Variants in CACNB4 observed in about 807,000 individuals in gnomAD.
CACNB4 encodes calcium voltage-gated channel auxiliary subunit beta 4, also known as voltage-dependent L-type calcium channel subunit beta-4.
Under a neutral mutation model 71.2 loss-of-function variants are expected in CACNB4, and 32 were observed. That is an observed-to-expected ratio of 0.45 (90% CI 0.34 to 0.60). CACNB4 has a LOEUF of 0.60. CACNB4 is among the 20% of genes least tolerant of loss of function. The pLI, the probability that CACNB4 is intolerant of heterozygous loss-of-function variation, is 0.01. For synonymous variants in CACNB4, 231 were observed against 236.9 expected, an observed-to-expected ratio of 0.97 and a Z score of 0.23; for missense variants, 464 against 647.9, an observed-to-expected ratio of 0.72 and a Z score of 3.08.
chr2:151,865,056 G>C (rs569852130), intron 9 of CACNB4, among the ~76,000 whole-genome samples: 21 of 152,310 alleles, frequency 1.4e-4, no homozygotes, highest in African/African-American at 3.6e-4. Context: ...ACTGGTGTTT[G>C]AGTGGCTGTT....
intron 2 of CACNB4, among the ~76,000 whole-genome samples, chr2:152,006,081 C>A (rs896108575): frequency 6.6e-6 from 1 of 152,212 alleles, no homozygotes. Flanking sequence ...ATTGACACAG[C>A]CAGGAAGATA....
At chr2:151,927,628 C>T (rs1179309852) in intron 2 of CACNB4, among the ~76,000 whole-genome samples, 2 of 152,198 alleles carry the variant, frequency 1.3e-5, no homozygotes, top group African/African-American at 2.4e-5. Flanking sequence ...AACTGGTGAA[C>T]AGCACTGAAA....
chr2:151,942,719 G>A (rs541656053), intron 2 of CACNB4, among the ~76,000 whole-genome samples: 5 of 152,190 alleles, frequency 3.3e-5, no homozygotes, highest in Admixed American at 1.3e-4. Context: ...ATAAACGGCC[G>A]CTCTAGGAAT....
intron 2 of CACNB4, among the ~76,000 whole-genome samples, chr2:151,982,263 T>C (rs933392028): frequency 6.6e-6 from 1 of 152,108 alleles, no homozygotes; most frequent in Non-Finnish European, 1.5e-5. Context: ...CCCTTGCAAC[T>C]AGATGTGACT....
rs35400714 is a variant in CACNB4, at chr2:152,076,136, C to CTTTT, written c.147+22190_147+22193dup. ...AGGACATGTGATTACCACCTCTTTT[C>CTTTT]TTTTTTTTTTTTTTTTTTTTTTTTG... On this transcript the variant is annotated intron_variant, in intron 2 of 13. Coordinates refer to ENST00000539935, the MANE Select transcript of CACNB4 (RefSeq NM_000726.5). Among the ~76,000 whole-genome samples the CTTTT allele has an allele frequency of 2.5e-3, 180 of 71,210 alleles. 2 individuals carry two copies. Among genetic ancestry groups the CTTTT allele is most frequent in the African/African-American group, 3.2e-3 (58 of 18,070 alleles). The allele number at this position is 71,210 out of a possible 152,430, so 46.7% of individuals were successfully genotyped here.
intron 2 of CACNB4, among the ~76,000 whole-genome samples, chr2:151,944,335 C>T (rs1318601359): frequency 6.6e-6 from 1 of 152,232 alleles, no homozygotes; most frequent in Admixed American, 6.5e-5. Flanking sequence ...CCACCACGTC[C>T]GGCCTGGGAT....
intron 2 of CACNB4, among the ~76,000 whole-genome samples, chr2:151,894,802 T>C (rs2099851593): frequency 6.6e-6 from 1 of 152,148 alleles, no homozygotes; most frequent in Middle Eastern, 3.4e-3. Flanking sequence ...AGCAATCCCA[T>C]TTATAATAGT....
At chr2:151,996,827 A>T (rs1183573065) in intron 2 of CACNB4, among the ~76,000 whole-genome samples, 1 of 152,194 alleles carries the variant, frequency 6.6e-6, no homozygotes, top group East Asian at 1.9e-4. Context: ...AAAGAAAAGG[A>T]GGCAGAGATG....
In CACNB4 at chr2:151,855,219, A is replaced by C; in HGVS notation, c.1020+5T>G. On this transcript the variant is annotated splice_donor_5th_base_variant and intron_variant, in intron 11 of 13. Transcript: ENST00000539935. ...TAAACCTTAAGGCAGAAAGGAGCTA[A>C]TTACCTTTGGAGATGAGACTTTTAC... The C allele has an allele frequency of 6.5e-7, 1 of 1,528,650 alleles. No individual in the cohort carries two copies. The highest frequency in any genetic ancestry group is 1.8e-4 in the Middle Eastern group (1 of 5,712). The allele number at this position is 1,528,650 out of a possible 1,614,324, so 94.7% of individuals were successfully genotyped here. A position where few individuals can be genotyped will look rare whatever the true frequency, so the allele number is the denominator to read the frequency against.
At chr2:151,929,021 C>T (rs2099860976) in intron 2 of CACNB4, among the ~76,000 whole-genome samples, 1 of 152,060 alleles carries the variant, frequency 6.6e-6, no homozygotes, top group Non-Finnish European at 1.5e-5. Flanking sequence ...TGGCTTTGGT[C>T]TCTAACTCGT....
chr2:151,971,588 G>C (rs1369980111), intron 2 of CACNB4: 6 of 702,876 alleles, frequency 8.5e-6, no homozygotes, highest in African/African-American at 1.7e-5. Flanking sequence ...TGAGGAGGTG[G>C]CACTCCAGGT....
At chr2:151,891,189 T>C (rs754411212) in intron 2 of CACNB4, among the ~76,000 whole-genome samples, 2 of 152,186 alleles carry the variant, frequency 1.3e-5, no homozygotes, top group Non-Finnish European at 2.9e-5. Context: ...TAGTTTTTGC[T>C]ATAATTGCCC....
chr2:151,957,908 T>C (rs1200671533), intron 2 of CACNB4, among the ~76,000 whole-genome samples: 3 of 152,234 alleles, frequency 2.0e-5, no homozygotes, highest in Admixed American at 1.3e-4. Context: ...AAGTACTTAA[T>C]AGGTATTCTT....
chr2:151,985,818 T>A (rs999953753), intron 2 of CACNB4, among the ~76,000 whole-genome samples: 4 of 152,262 alleles, frequency 2.6e-5, no homozygotes, highest in African/African-American at 9.6e-5. Flanking sequence ...ATGTCTCTAA[T>A]CTCTTTTTGG....
rs760466158 is a variant in CACNB4 at position 151,880,891 on chromosome 2, T to A, written c.299A>T (p.Asn100Ile). The A allele has an allele frequency of 2.5e-6, 4 of 1,613,204 alleles. No individual in the cohort carries two copies. Among genetic ancestry groups the A allele is most frequent in the Non-Finnish European group, 3.4e-6 (4 of 1,179,564 alleles). Residue 100 changes from asparagine (N) to isoleucine (I), a missense_variant, in exon 4 of 14, where the codon AAT becomes ATT. Physicochemically the swap from Asn to Ile is moderately radical, Grantham distance 149 (BLOSUM62 -3). This residue lies in a region of CACNB4 where 299 missense variants were observed against 471.7 expected (regional missense o/e 0.63). Coordinates refer to ENST00000539935, the MANE Select transcript of CACNB4 (RefSeq NM_000726.5). ...SKPVAFAVKT[N>I]VSYCGALDED... ...GTCCAGGGCGCCGCAGTAGCTCACA[T>A]TTGTCTTCACGGCAAATGCTACAGG...
At chr2:151,897,477 C>G (rs954403404) in intron 2 of CACNB4, among the ~76,000 whole-genome samples, 3 of 152,112 alleles carry the variant, frequency 2.0e-5, no homozygotes, top group Non-Finnish European at 4.4e-5. Context: ...AGAGAGAAGC[C>G]ACGTCTGCTC....
At chr2:152,020,245 T>C (rs1683580680) in intron 2 of CACNB4, among the ~76,000 whole-genome samples, 1 of 152,246 alleles carries the variant, frequency 6.6e-6, no homozygotes, top group Non-Finnish European at 1.5e-5. Flanking sequence ...CTATCAGGCA[T>C]TTCTATGTCC....
chr2:151,912,856 A>G (rs1237355996), intron 2 of CACNB4, among the ~76,000 whole-genome samples: 1 of 151,786 alleles, frequency 6.6e-6, no homozygotes, highest in African/African-American at 2.4e-5. Flanking sequence ...GTGCTCCTGT[A>G]CTGGGTGCAT....
At position 152,098,507 on chromosome 2, in the gene CACNB4, G is replaced by A; in HGVS notation, c.64-94C>T. On this transcript the variant is annotated intron_variant, in intron 1 of 13. Transcript: ENST00000539935. This position sits in a 1 kb window ranked among gnomAD's most constrained non-coding sequence, Gnocchi z 5.3. ...CCGGCTGGAGTCCGCCTCCGGACCC[G>A]CTCCCTGGGGTCCCCTAGAGCCCGC... 1.5e-6 allele frequency: 2 copies of A among 1,364,014 alleles called. No individual in the cohort carries two copies. Among genetic ancestry groups the A allele is most frequent in the Non-Finnish European group, 2.1e-6 (2 of 955,704 alleles). 84.5% of individuals were successfully genotyped at this position (1,364,014 alleles called of 1,614,324 possible). A position where few individuals can be genotyped will look rare whatever the true frequency, so the allele number is the denominator to read the frequency against.
Sources: allele counts gnomAD v4.1 joint callset (sites outside exome capture counted in the v4.1 genomes callset), GRCh38; gene constraint gnomAD v4.1.1; regional missense constraint gnomAD v4.1.1; non-coding constraint Gnocchi (gnomAD v3.1); transcripts MANE v1.5; gene names NCBI Gene and HGNC (gene_info 2026-07-23, HGNC 2026-07-21).